The following IL12A variants were observed in gnomAD, a reference collection of about 807,000 sequenced individuals.
IL12A encodes the protein interleukin 12A, also known as interleukin-12 subunit alpha.
In IL12A, 16 loss-of-function variants were observed where a neutral mutation model predicts 23.5. That is an observed-to-expected ratio of 0.68 (90% CI 0.46 to 1.03). The LOEUF (loss-of-function observed/expected upper bound fraction) is 1.03. Among genes scored for constraint, IL12A ranks in the 50% least tolerant of loss-of-function variants. The pLI is 0.00. For synonymous variants in IL12A, 106 were observed against 111.5 expected, an observed-to-expected ratio of 0.95 and a Z score of 0.31; for missense variants, 275 against 307.0, an observed-to-expected ratio of 0.90 and a Z score of 0.78.
At chr3:159,991,807 C>T (rs1720325547) in intron 2 of IL12A, among the ~76,000 whole-genome samples, 2 of 152,312 alleles carry the variant, frequency 1.3e-5, no homozygotes, top group Non-Finnish European at 2.9e-5. Flanking sequence ...GTGGCCCCTT[C>T]CATTGTCCAT....
At chr3:159,993,285 A>T (rs762050572) in intron 3 of IL12A, 160 bp downstream of exon 3, 56 of 738,886 alleles carry the variant, frequency 7.6e-5, no homozygotes, top group Admixed American at 1.8e-4. Flanking sequence ...TTTTTAAAAA[A>T]TGGTTTTTTT....
intron 3 of IL12A, 143 bp from the exon 4 acceptor site, chr3:159,993,308 A>C: frequency 1.3e-6 from 1 of 750,398 alleles, no homozygotes; most frequent in South Asian, 1.9e-5. Flanking sequence ...CAACAATGTG[A>C]ATACACTTAA....
At chr3:159,989,750 T>C (rs935147417) in intron 1 of IL12A, among the ~76,000 whole-genome samples, 3 of 152,162 alleles carry the variant, frequency 2.0e-5, no homozygotes, top group Non-Finnish European at 4.4e-5. Flanking sequence ...GCCACTGCAC[T>C]CCAGTCTGGG....
chr3:159,990,338 G>A, intron 2 of IL12A, 26 bp downstream of exon 2: 1 of 1,612,354 alleles, frequency 6.2e-7, no homozygotes, highest in Non-Finnish European at 8.5e-7. Flanking sequence ...CCTCTCCACT[G>A]TGGACCTGCA....
rs1720406842 is a variant in IL12A, at chr3:159,993,949, GC to G, written c.606+107del. 3 of 1,131,354 alleles carry G rather than the reference GC, an allele frequency of 2.7e-6. No homozygotes were observed. The East Asian group carries it at 7.0e-5, about 27-fold the overall frequency. 70.1% of individuals were successfully genotyped at this position (1,131,354 alleles called of 1,614,324 possible). A position where few individuals can be genotyped will look rare whatever the true frequency, so the allele number is the denominator to read the frequency against. On this transcript the variant is annotated intron_variant, in intron 6 of 6. Transcript: ENST00000305579. ...AAAGAGGTCTGGAGGCCTTTTAAAG[GC>G]CTGACAGACCTACATTTTCAAGAAG...
At chr3:159,991,001 T>G (rs1031098708) in intron 2 of IL12A, among the ~76,000 whole-genome samples, 1 of 152,212 alleles carries the variant, frequency 6.6e-6, no homozygotes, top group African/African-American at 2.4e-5. Context: ...TTCTTGAGTA[T>G]TTTCTAGCTT....
intron 6 of IL12A, among the ~76,000 whole-genome samples, chr3:159,994,882 A>G (rs193122118): frequency 9.9e-5 from 15 of 152,272 alleles, no homozygotes; most frequent in Non-Finnish European, 1.9e-4. Context: ...GAAAGTATTT[A>G]TTCATCAAGG....
chr3:159,993,768 C>T lies in IL12A; in HGVS notation c.530C>T (p.Ala177Val). The T allele has an allele frequency of 6.2e-7, 1 of 1,613,938 alleles. No individual in the cohort carries two copies. Among genetic ancestry groups the T allele is most frequent in the South Asian group, 1.1e-5 (1 of 91,080 alleles). The stretch of plus-strand genomic sequence containing the variant: ...CAGGTGGAGTTCAAGACCATGAATG[C>T]AAAGCTTCTGATGGATCCTAAGAGG... The change falls in exon 6 of 7, where the codon GCA becomes GTA. Residue 177 changes from alanine to valine, a missense_variant. Coordinates refer to ENST00000305579, the MANE Select transcript of IL12A (RefSeq NM_000882.4).
At chr3:159,991,171 G>A (rs983053433) in intron 2 of IL12A, among the ~76,000 whole-genome samples, 4 of 152,112 alleles carry the variant, frequency 2.6e-5, no homozygotes, top group African/African-American at 4.8e-5. Context: ...TTTGTTTCCC[G>A]AAGAAAGGTT....
chr3:159,994,579 C>CGTGTGTGT (rs60659167), intron 6 of IL12A, among the ~76,000 whole-genome samples: 5,380 of 135,644 alleles, frequency 0.04, 102 homozygotes, highest in African/African-American at 0.046. Context: ...TTATTCTTTT[C>CGTGTGTGT]GTGTGTGTGT....
rs1250850468 is a variant in IL12A at position 159,995,711 on chromosome 3, C to T, written c.*152C>T. 3 of 485,480 alleles carry T rather than the reference C, an allele frequency of 6.2e-6. No homozygotes were observed. Among genetic ancestry groups the T allele is most frequent in the East Asian group, 3.3e-5 (1 of 30,646 alleles). 30.1% of individuals were successfully genotyped at this position (485,480 alleles called of 1,614,324 possible). On this transcript the variant is annotated 3_prime_UTR_variant, in exon 7 of 7. Transcript: ENST00000305579. ...TCTGATCAAGTATTTTTGACATTTA[C>T]TGTGGATAAATTGTTTTTAAGTTTT...
chr3:159,992,902 G>A, intron 2 of IL12A, 110 bp from the exon 3 acceptor site: 1 of 628,694 alleles, frequency 1.6e-6, no homozygotes, highest in Non-Finnish European at 2.9e-6. Context: ...AAGTGACAGA[G>A]GTCAAGGGCA....
At position 159,992,996 on chromosome 3, in the gene IL12A, C is replaced by T; in HGVS notation, c.265-16C>T. On this transcript the variant is annotated splice_polypyrimidine_tract_variant and intron_variant, in intron 2 of 6. Transcript: ENST00000305579. ...TATCAATGTTATAAACTGAGTTTCT[C>T]CTTCATTTTTTATAGGCCAGACAAA... 6.9e-7 allele frequency: 1 copy of T among 1,454,010 alleles called. No homozygotes were observed. The highest frequency in any genetic ancestry group is 1.1e-5 in the South Asian group (1 of 87,168). 90.1% of individuals were successfully genotyped at this position (1,454,010 alleles called of 1,614,324 possible).
In IL12A at chr3:159,988,906, G is replaced by A; in HGVS notation, c.-151G>A. Reference sequence around the variant, plus strand: ...GGAACGGCTGCGGCCGGGCACCCCGGGAGTTAATCCGAAAGCGCCGCAAGC... The same window carrying A: ...GGAACGGCTGCGGCCGGGCACCCCGAGAGTTAATCCGAAAGCGCCGCAAGC... On this transcript the variant is annotated 5_prime_UTR_variant, in exon 1 of 7. Transcript: ENST00000305579. The A allele has an allele frequency of 3.0e-6, 2 of 664,344 alleles. No individual in the cohort carries two copies. Among genetic ancestry groups the A allele is most frequent in the Non-Finnish European group, 2.6e-6 (1 of 384,354 alleles). 41.2% of individuals were successfully genotyped at this position (664,344 alleles called of 1,614,324 possible).
intron 2 of IL12A, among the ~76,000 whole-genome samples, chr3:159,991,627 T>C (rs1412591259): frequency 6.6e-6 from 1 of 152,210 alleles, no homozygotes; most frequent in Non-Finnish European, 1.5e-5. Context: ...GTAGTGGGTT[T>C]AAATGACACA....
Position 159,990,378 on chromosome 3 carries a change from C to G in IL12A, c.264+66C>G, listed in dbSNP as rs924000044. On this transcript the variant is annotated intron_variant, in intron 2 of 6. Coordinates refer to ENST00000305579, the MANE Select transcript of IL12A (RefSeq NM_000882.4). Reference sequence around the variant, plus strand: ...CCCTGAGGAAGGGGCCTCTGATCCTCCCCTCTGGTACCTGATGGAACTGCA... The same window carrying G: ...CCCTGAGGAAGGGGCCTCTGATCCTGCCCTCTGGTACCTGATGGAACTGCA... 5 of 1,506,110 alleles carry G rather than the reference C, an allele frequency of 3.3e-6. No individual in the cohort carries two copies. The African/African-American group carries it at 4.1e-5, about 12-fold the overall frequency. The allele number at this position is 1,506,110 out of a possible 1,614,324, so 93.3% of individuals were successfully genotyped here. A position where few individuals can be genotyped will look rare whatever the true frequency, so the allele number is the denominator to read the frequency against.
intron 2 of IL12A, 148 bp downstream of exon 2, chr3:159,990,460 A>G: frequency 1.3e-6 from 1 of 741,512 alleles, no homozygotes; most frequent in Non-Finnish European, 2.2e-6. Context: ...AACTTTACAA[A>G]TGGCCCAAGT....
chr3:159,992,405 C>T (rs949981217), intron 2 of IL12A, among the ~76,000 whole-genome samples: 1 of 152,140 alleles, frequency 6.6e-6, no homozygotes. Flanking sequence ...TGCCTGCCAC[C>T]CATTAGGCTG....
At position 159,993,744 on chromosome 3, in the gene IL12A, A is replaced by G. The variant is rs1324783253; in HGVS notation, c.506A>G (p.Gln169Arg). The G allele has an allele frequency of 6.2e-7, 1 of 1,614,100 alleles. No homozygotes were observed. The change falls in exon 6 of 7, where the codon CAG becomes CGG. Residue 169 changes from glutamine to arginine, a missense_variant. Physicochemically the swap from Gln to Arg is conservative, Grantham distance 43. Transcript: ENST00000305579. ...ATTTATGAAGACTTGAAGATGTACC[A>G]GGTGGAGTTCAAGACCATGAATGCA...
Sources: allele counts gnomAD v4.1 joint callset (sites outside exome capture counted in the v4.1 genomes callset), GRCh38; gene constraint gnomAD v4.1.1; transcripts MANE v1.5; gene names NCBI Gene and HGNC (gene_info 2026-07-23, HGNC 2026-07-21).